ATXN2L: variants seen among roughly 807,000 people sequenced by gnomAD.
The protein encoded by ATXN2L is ataxin 2 like, also known as ataxin-2-like protein.
Under a neutral mutation model 120.7 loss-of-function variants are expected in ATXN2L, and 24 were observed. The ratio of observed to expected loss-of-function variants is 0.20; its 90% CI spans 0.14 to 0.28. The LOEUF (loss-of-function observed/expected upper bound fraction) is 0.28. ATXN2L is among the 10% of genes least tolerant of loss of function. The pLI is 1.00. For missense variants in ATXN2L, 1,312 were observed against 1,432.3 expected (o/e 0.92, Z 1.36); for synonymous variants, 653 against 568.1 (o/e 1.15, Z -2.13).
intron 1 of ATXN2L, chr16:28,823,851 T>TGGG (rs202189464): frequency 3.4e-6 from 1 of 290,894 alleles, no homozygotes; most frequent in Non-Finnish European, 6.1e-6. Context: ...AACGGGGAGT[T>TGGG]GGGGGGGGGC....
chr16:28,834,487 TCTC>T lies in ATXN2L; in HGVS notation c.2246-9_2246-7del, dbSNP rs766630858. On this transcript the variant is annotated splice_polypyrimidine_tract_variant and intron_variant, in intron 17 of 21. Coordinates refer to ENST00000336783, the MANE Select transcript of ATXN2L (RefSeq NM_007245.4). Reference sequence around the variant, plus strand: ...CTGGCAGGTGGAGCTTGAGCTCTCCTCTCCTCCTCCTCTTCCAGGCTCCCTTCC... The same window carrying T: ...CTGGCAGGTGGAGCTTGAGCTCTCCTCTCCTCCTCTTCCAGGCTCCCTTCC... 5.6e-5 allele frequency: 90 copies of T among 1,612,618 alleles called. No homozygotes were observed. Among genetic ancestry groups the T allele is most frequent in the Admixed American group, 1.7e-4 (10 of 59,988 alleles).
At position 28,823,315 on chromosome 16, in the gene ATXN2L, C is replaced by A; in HGVS notation, c.56C>A (p.Thr19Lys). The A allele has an allele frequency of 1.3e-6, 2 of 1,486,476 alleles. No homozygotes were observed. The highest frequency in any genetic ancestry group is 1.8e-6 in the Non-Finnish European group (2 of 1,120,018). The allele number at this position is 1,486,476 out of a possible 1,614,324, so 92.1% of individuals were successfully genotyped here. A position where few individuals can be genotyped will look rare whatever the true frequency, so the allele number is the denominator to read the frequency against. The change falls in exon 1 of 22, where the codon ACG (threonine) becomes AAG (lysine). Residue 19 changes from threonine to lysine, a missense_variant. Thr to Lys is a moderately conservative substitution (Grantham distance 78). Transcript: ENST00000336783. The part of the protein sequence containing the change: ...QPSQPQQPPP[T>K]QQAVARRPPG... ...TCCCAGCCCCAGCAGCCGCCCCCCA[C>A]GCAACAGGCCGTGGCCCGTCGGCCC...
At chr16:28,833,608 C>T in intron 15 of ATXN2L, 100 bp downstream of exon 15, 4 of 1,244,150 alleles carry the variant, frequency 3.2e-6, no homozygotes, top group Non-Finnish European at 4.7e-6. Flanking sequence ...TCCAGGACCA[C>T]TTGCCTGGCA....
At chr16:28,832,735 G>T (rs1263865457) in intron 12 of ATXN2L, 82 bp from the exon 13 acceptor site, 1 of 1,475,548 alleles carries the variant, frequency 6.8e-7, no homozygotes, top group South Asian at 1.2e-5. Context: ...TTGCTTTCTT[G>T]TCCTCTGTTC....
At chr16:28,825,320 A>C (rs781069272) in intron 1 of ATXN2L, 46 bp from the exon 2 acceptor site, 1 of 1,582,136 alleles carries the variant, frequency 6.3e-7, no homozygotes, top group African/African-American at 1.3e-5. Flanking sequence ...ATAGTGGTCT[A>C]AGAGGGCTTG....
At chr16:28,834,458 C>T (rs1201119661) in intron 17 of ATXN2L, 43 bp downstream of exon 17, 10 of 1,613,446 alleles carry the variant, frequency 6.2e-6, no homozygotes, top group African/African-American at 1.3e-5. Flanking sequence ...CTGCCAAGGG[C>T]CTACTGGCAG....
chr16:28,835,037 C>T (rs1959780538), intron 18 of ATXN2L, 21 bp from the exon 19 acceptor site: 3 of 1,601,740 alleles, frequency 1.9e-6, no homozygotes, highest in Non-Finnish European at 2.6e-6. Context: ...GTGCCAACCA[C>T]TCCTCTCTCT....
chr16:28,832,099 C>T (rs2054700639), intron 10 of ATXN2L, 106 bp from the exon 11 acceptor site: 9 of 1,236,394 alleles, frequency 7.3e-6, no homozygotes, highest in East Asian at 4.9e-5. Context: ...AAGTTGGTGA[C>T]TCTGGTTGTA....
intron 1 of ATXN2L, chr16:28,824,430 T>TTA (rs2050966963): frequency 7.8e-7 from 1 of 1,284,434 alleles, no homozygotes; most frequent in Non-Finnish European, 1.0e-6. Context: ...GTGGATGGCT[T>TTA]TTGCGGCTGC....
In ATXN2L at chr16:28,835,409, A is replaced by AT; in HGVS notation, c.2685+11dup. On this transcript the variant is annotated intron_variant, in intron 20 of 21. Coordinates refer to ENST00000336783, the MANE Select transcript of ATXN2L (RefSeq NM_007245.4). ...CCCCAGTCCTGTCCAGGTGCCTGCC[A>AT]TGGGGGGTGCTGAGTGGTCCTGGTG... 2 of 1,612,460 alleles carry AT rather than the reference A, an allele frequency of 1.2e-6. No individual in the cohort carries two copies. Among genetic ancestry groups the AT allele is most frequent in the Non-Finnish European group, 1.7e-6 (2 of 1,179,800 alleles).
chr16:28,824,054 C>T (rs2050704157), intron 1 of ATXN2L: 1 of 986,366 alleles, frequency 1.0e-6, no homozygotes, highest in Non-Finnish European at 1.2e-6. Flanking sequence ...CCCGGTCTGG[C>T]CAGTAGGAGG....
chr16:28,823,101 TTC>T lies in ATXN2L; in HGVS notation c.-152_-151del, dbSNP rs1453603215. 6.0e-6 allele frequency: 1 copy of T among 166,412 alleles called. No homozygotes were observed. The allele number at this position is 166,412 out of a possible 1,614,324, so 10.3% of individuals were successfully genotyped here. On this transcript the variant is annotated 5_prime_UTR_variant, in exon 1 of 22. Coordinates refer to ENST00000336783, the MANE Select transcript of ATXN2L (RefSeq NM_007245.4). ...CGCGGCGCTTCCTCGCGCCGCGGTC[TTC>T]TCTCTCCACCCCCGACACCGCGGGG...
chr16:28,832,301 C>G lies in ATXN2L; in HGVS notation c.1418C>G (p.Thr473Ser). The G allele has an allele frequency of 6.2e-7, 1 of 1,614,160 alleles. No homozygotes were observed. Among genetic ancestry groups the G allele is most frequent in the South Asian group, 1.1e-5 (1 of 91,084 alleles). Residue 473 changes from threonine (T) to serine (S), a missense_variant, in exon 11 of 22, where the codon ACC becomes AGC. By Grantham distance (58) the Thr-to-Ser change is moderately conservative. Coordinates refer to ENST00000336783, the MANE Select transcript of ATXN2L (RefSeq NM_007245.4). Reference protein sequence around the residue: ...PEPPIGSAVPTSSASIPVTSS... With the variant: ...PEPPIGSAVPSSSASIPVTSS... ...CCTCCCATCGGCTCGGCAGTGCCAA[C>G]CTCTTCAGCCTCCATCCCTGTGACC...
intron 6 of ATXN2L, among the ~76,000 whole-genome samples, chr16:28,828,014 G>A (rs566617781): frequency 3.9e-5 from 6 of 152,278 alleles, no homozygotes; most frequent in African/African-American, 7.2e-5. Context: ...ATGGTTGTAC[G>A]TAGATCTAGT....
In ATXN2L at chr16:28,829,026, C is replaced by T. The variant is rs140478391; in HGVS notation, c.742-375C>T. Among the ~76,000 whole-genome samples the T allele has an allele frequency of 1.4e-4, 22 of 152,312 alleles. 1 individual carries two copies. Among genetic ancestry groups the T allele is most frequent in the African/African-American group, 5.1e-4 (21 of 41,566 alleles). ...GATTACAGGCATGAGCCACCACGCC[C>T]AGCTAGTCGCCCAGGCCAGAGCGCA... On this transcript the variant is annotated intron_variant, in intron 6 of 21. Coordinates refer to ENST00000336783, the MANE Select transcript of ATXN2L (RefSeq NM_007245.4).
At chr16:28,823,636 A>C in intron 1 of ATXN2L, 78 bp downstream of exon 1, 1 of 1,227,908 alleles carries the variant, frequency 8.1e-7, no homozygotes, top group Non-Finnish European at 1.0e-6. Flanking sequence ...GCGGACCCCG[A>C]CCCGGCACCG....
At chr16:28,824,279 T>C in intron 1 of ATXN2L, 1 of 1,163,558 alleles carries the variant, frequency 8.6e-7, no homozygotes, top group African/African-American at 1.6e-5. Flanking sequence ...CTGCTCAGTT[T>C]TTCCTGTGCG....
At position 28,834,755 on chromosome 16, in the gene ATXN2L, CAG is replaced by C. The variant is rs1596571012; in HGVS notation, c.2433+66_2433+67del. On this transcript the variant is annotated intron_variant, in intron 18 of 21. Transcript: ENST00000336783. ...CCCCTGCTAGGGATCCCATCTTCTC[CAG>C]AGACTTGGGAGCTGGCTAGGGGTGG... 3.3e-6 allele frequency: 5 copies of C among 1,530,836 alleles called. No individual in the cohort carries two copies. The African/African-American group carries it at 5.5e-5, about 17-fold the overall frequency. 94.8% of individuals were successfully genotyped at this position (1,530,836 alleles called of 1,614,324 possible).
chr16:28,835,919 T>A lies in ATXN2L; in HGVS notation c.2896-14T>A. The A allele has an allele frequency of 6.5e-7, 1 of 1,548,618 alleles. No homozygotes were observed. Among genetic ancestry groups the A allele is most frequent in the Non-Finnish European group, 8.7e-7 (1 of 1,146,882 alleles). ...ATTCTGTGGTCTTCCCGGCTACTTT[T>A]TTGTTTTCCACAGGCCCATGTCCAA... On this transcript the variant is annotated splice_polypyrimidine_tract_variant and intron_variant, in intron 21 of 21. Coordinates refer to ENST00000336783, the MANE Select transcript of ATXN2L (RefSeq NM_007245.4).
Sources: allele counts gnomAD v4.1 joint callset (sites outside exome capture counted in the v4.1 genomes callset), GRCh38; gene constraint gnomAD v4.1.1; transcripts MANE v1.5; gene names NCBI Gene and HGNC (gene_info 2026-07-23, HGNC 2026-07-21).